Variants in IL17REL observed in about 807,000 individuals in gnomAD.
IL17REL encodes the protein interleukin 17 receptor E like.
IL17REL carries 36 observed loss-of-function variants against 49.0 expected under a neutral mutation model. That is an observed-to-expected ratio of 0.73 (90% CI 0.56 to 0.97). IL17REL has a LOEUF of 0.97. Among genes scored for constraint, IL17REL ranks in the 50% least tolerant of loss-of-function variants. IL17REL has a pLI of 0.00. For synonymous variants in IL17REL, 206 were observed against 192.4 expected, an observed-to-expected ratio of 1.07 and a Z score of -0.58; for missense variants, 470 against 453.9, an observed-to-expected ratio of 1.04 and a Z score of -0.32.
exon 11 of IL17REL, chr22:49,997,327 G>T: frequency 6.2e-7 from 1 of 1,613,446 alleles, no homozygotes; most frequent in Non-Finnish European, 8.5e-7. Context: ...CACTGAGGCT[G>T]AAGGGAGCGG....
At chr22:49,998,864 T>C (rs1268428040) in intron 7 of IL17REL, among the ~76,000 whole-genome samples, 2 of 151,924 alleles carry the variant, frequency 1.3e-5, no homozygotes, top group Non-Finnish European at 2.9e-5. Flanking sequence ...TATGGGCGTG[T>C]ATGTTCATGG....
intron 1 of IL17REL, 138 bp from the exon 3 acceptor site, chr22:50,001,369 C>G (rs5771184): frequency 0.22 from 125,079 of 581,222 alleles, 14,661 homozygotes; most frequent in South Asian, 0.37. Flanking sequence ...CCCAGGCCAA[C>G]TGGAGAGCAA....
At position 49,999,670 on chromosome 22, in the gene IL17REL, G is replaced by T. The variant is rs1471159785; in HGVS notation, c.474+158C>A. Among the ~76,000 whole-genome samples, 843 of 120,484 alleles carry T rather than the reference G, an allele frequency of 7.0e-3. 6 individuals are homozygous for T. The highest frequency in any genetic ancestry group is 0.021 in the South Asian group (76 of 3,668). The allele number at this position is 120,484 out of a possible 152,430, so 79.0% of individuals were successfully genotyped here. A position where few individuals can be genotyped will look rare whatever the true frequency, so the allele number is the denominator to read the frequency against. ...GGGTGGGGCCCAGGCCTGGCCGGGG[G>T]CGGGGCGCGGAGGTGGGTGGGGCCT... On this transcript the variant is annotated intron_variant, in intron 5 of 12. Transcript: ENST00000341280.
exon 2 of IL17REL, chr22:50,001,155 G>A: frequency 6.2e-7 from 1 of 1,606,564 alleles, no homozygotes; most frequent in Non-Finnish European, 8.5e-7. Flanking sequence ...GCATGGCAGT[G>A]GAGGACGTCA....
upstream of IL17REL, among the ~76,000 whole-genome samples, chr22:50,011,528 T>C (rs1303036100): frequency 6.6e-6 from 1 of 152,016 alleles, no homozygotes; most frequent in Admixed American, 6.5e-5. Flanking sequence ...AAGTCGATTC[T>C]GAGGTCTCAT....
chr22:50,006,140 G>A lies in IL17REL; in HGVS notation c.-42+2497C>T, dbSNP rs190677040. On this transcript the variant is annotated intron_variant, in intron 1 of 12. Transcript: ENST00000341280. Reference sequence around the variant, plus strand: ...ACATGGTGAGGAAGAACTTCCCCACGTTGAGCTAGGCCTTGACCTGGGTTA... The same window carrying A: ...ACATGGTGAGGAAGAACTTCCCCACATTGAGCTAGGCCTTGACCTGGGTTA... 3.1e-3 allele frequency among the ~76,000 whole-genome samples: 470 copies of A among 152,162 alleles called. 2 individuals are homozygous for A. The highest frequency in any genetic ancestry group is 4.8e-3 in the Admixed American group (73 of 15,240).
downstream of IL17REL, among the ~76,000 whole-genome samples, chr22:49,992,956 G>A (rs892213117): frequency 1.3e-5 from 2 of 152,050 alleles, no homozygotes; most frequent in Admixed American, 6.5e-5. Context: ...ACTCCCCATC[G>A]TGCTCCCAGC....
chr22:50,002,529 C>T (rs1304604154), intron 1 of IL17REL, among the ~76,000 whole-genome samples: 1 of 142,494 alleles, frequency 7.0e-6, no homozygotes, highest in Admixed American at 7.3e-5. Context: ...CAGTCCCGCT[C>T]TGACGCCCAG....
chr22:49,999,029 TCAGA>T (rs992958158), intron 7 of IL17REL, among the ~76,000 whole-genome samples: 5 of 152,098 alleles, frequency 3.3e-5, no homozygotes, highest in East Asian at 1.9e-4. Context: ...CTTGTGCCCC[TCAGA>T]CAGCCCCTCT....
At chr22:49,997,271 C>T (rs1569207835) in intron 11 of IL17REL, 49 bp downstream of exon 13, 8 of 1,569,242 alleles carry the variant, frequency 5.1e-6, no homozygotes, top group East Asian at 4.6e-5. Context: ...GGGGTCCTGC[C>T]GCCACCACCC....
chr22:49,996,107 G>C (rs920363586), exon 13 of IL17REL: 1 of 152,330 alleles, frequency 6.6e-6, no homozygotes, highest in African/African-American at 2.4e-5. Context: ...TGGGCAGCAG[G>C]CTGCCCTGAA....
chr22:49,999,962 TC>T lies in IL17REL; in HGVS notation c.339del (p.Lys114SerfsTer46). The stretch of plus-strand genomic sequence containing the variant: ...CTCCGGTCCACCCAGTAGCTGAGCT[TC>T]CCCGCTGCAGGAGGCGGCAAGTCGG... On this transcript the variant is annotated frameshift_variant, in exon 5 of 13. Coordinates refer to ENST00000341280, the Ensembl canonical transcript of IL17REL. LOFTEE classifies it high-confidence loss of function. 1 of 1,509,780 alleles carries T rather than the reference TC, an allele frequency of 6.6e-7. No individual in the cohort carries two copies. Among genetic ancestry groups the T allele is most frequent in the African/African-American group, 1.4e-5 (1 of 70,470 alleles). The allele number at this position is 1,509,780 out of a possible 1,614,324, so 93.5% of individuals were successfully genotyped here. A position where few individuals can be genotyped will look rare whatever the true frequency, so the allele number is the denominator to read the frequency against.
rs745975001 is a variant in IL17REL, at chr22:49,999,353, A to C, written c.547-8T>G. The C allele has an allele frequency of 2.6e-5, 42 of 1,612,644 alleles. No individual in the cohort carries two copies. The highest frequency in any genetic ancestry group is 3.4e-5 in the Non-Finnish European group (40 of 1,179,958). On this transcript the variant is annotated splice_region_variant and splice_polypyrimidine_tract_variant and intron_variant, in intron 6 of 12. Transcript: ENST00000341280. ...AGGGGTCGCAGACCAGCCCTGTGGGAGGGGCTGGGGTCAGCGCAGCCCACC... is the reference window on the plus strand; with the variant it reads ...AGGGGTCGCAGACCAGCCCTGTGGGCGGGGCTGGGGTCAGCGCAGCCCACC...
At chr22:49,999,768 C>G (rs1198120524) in intron 5 of IL17REL, 60 bp downstream of exon 7, 1 of 1,244,066 alleles carries the variant, frequency 8.0e-7, no homozygotes, top group African/African-American at 1.7e-5. Flanking sequence ...TGACCGGGGC[C>G]CGGGGCGCGG....
chr22:49,999,560 T>C, intron 5 of IL17REL, 58 bp from the exon 8 acceptor site: 2 of 557,734 alleles, frequency 3.6e-6, no homozygotes, highest in Middle Eastern at 5.9e-4. Context: ...TGGTCTGGGG[T>C]GGGCGGGACC....
chr22:50,002,742 A>C (rs1810645727), intron 1 of IL17REL, among the ~76,000 whole-genome samples: 2 of 151,744 alleles, frequency 1.3e-5, no homozygotes, highest in South Asian at 4.2e-4. Context: ...TGATCCGCCC[A>C]CCTCGGCCTC....
intron 7 of IL17REL, 73 bp from the exon 10 acceptor site, chr22:49,998,382 C>A (rs1477975377): frequency 2.8e-6 from 4 of 1,437,244 alleles, no homozygotes; most frequent in Non-Finnish European, 3.7e-6. Context: ...GGTCTAGCAC[C>A]CACTCAAGTG....
chr22:49,999,447 G>C (rs759470319), exon 6 of IL17REL: 6 of 1,611,890 alleles, frequency 3.7e-6, no homozygotes, highest in East Asian at 2.2e-5. Context: ...GCACAGGCAC[G>C]GCAGCTCCTG....
chr22:49,992,364 C>T (rs2061010789), downstream of IL17REL, among the ~76,000 whole-genome samples: 6 of 152,214 alleles, frequency 3.9e-5, no homozygotes, highest in South Asian at 1.2e-3. Context: ...ATGCAAAGGC[C>T]CTGCCTCTGC....
Sources: allele counts gnomAD v4.1 joint callset (sites outside exome capture counted in the v4.1 genomes callset), GRCh38; gene constraint gnomAD v4.1.1; transcripts MANE v1.5; gene names NCBI Gene and HGNC (gene_info 2026-07-23, HGNC 2026-07-21).